Variants in ADAM23 observed in about 807,000 individuals in gnomAD.
ADAM23 encodes the protein ADAM metallopeptidase domain 23.
ADAM23 carries 33 observed loss-of-function variants against 120.1 expected under a neutral mutation model. The ratio of observed to expected loss-of-function variants is 0.27; its 90% CI spans 0.21 to 0.37. The LOEUF is 0.37. Among genes scored for constraint, ADAM23 ranks in the 10% least tolerant of loss-of-function variants. The pLI is 1.00. For missense variants in ADAM23, 862 were observed against 1,058.2 expected (o/e 0.81, Z 2.57); for synonymous variants, 367 against 375.2 (o/e 0.98, Z 0.25).
At chr2:206,559,069 C>G (rs1221038083) in intron 10 of ADAM23, among the ~76,000 whole-genome samples, 1 of 152,100 alleles carries the variant, frequency 6.6e-6, no homozygotes, top group Non-Finnish European at 1.5e-5. Flanking sequence ...CTCAGCCTCC[C>G]GAGTAGCTGG....
intron 6 of ADAM23, among the ~76,000 whole-genome samples, chr2:206,544,714 G>A (rs540638273): frequency 6.8e-4 from 103 of 151,438 alleles, no homozygotes; most frequent in African/African-American, 1.8e-3. Flanking sequence ...CTGGGTTCAC[G>A]CCATTCTCCT....
chr2:206,606,490 A>G (rs1698731040), intron 24 of ADAM23: 1 of 152,242 alleles, frequency 6.6e-6, no homozygotes, highest in Non-Finnish European at 1.5e-5. Context: ...TTTGGAAGCA[A>G]GGAGCATTAA....
chr2:206,542,902 T>G (rs535420669), intron 5 of ADAM23, among the ~76,000 whole-genome samples: 2 of 152,338 alleles, frequency 1.3e-5, no homozygotes, highest in Admixed American at 6.5e-5. Flanking sequence ...TTTGTATAGT[T>G]GTACATGGTT....
chr2:206,456,497 C>T (rs1295285252), intron 2 of ADAM23, among the ~76,000 whole-genome samples: 4 of 152,176 alleles, frequency 2.6e-5, no homozygotes, highest in East Asian at 3.8e-4. Context: ...GATCCAGTCA[C>T]TTCCCACCAG....
chr2:206,567,166 T>G, intron 14 of ADAM23, 57 bp from the exon 15 acceptor site: 2 of 1,353,968 alleles, frequency 1.5e-6, no homozygotes, highest in Non-Finnish European at 2.1e-6. Flanking sequence ...TTTAATTTTC[T>G]TCTCTGATGA....
chr2:206,468,339 G>T (rs146056682), intron 2 of ADAM23, among the ~76,000 whole-genome samples: 1 of 152,250 alleles, frequency 6.6e-6, no homozygotes, highest in African/African-American at 2.4e-5. Context: ...ATGCATATGA[G>T]CATAAGTTGT....
At chr2:206,470,268 A>G (rs1041561155) in intron 2 of ADAM23, among the ~76,000 whole-genome samples, 7 of 152,158 alleles carry the variant, frequency 4.6e-5, no homozygotes, top group Admixed American at 1.3e-4. Flanking sequence ...TTTTATTTCT[A>G]TATGTCTTCA....
intron 2 of ADAM23, among the ~76,000 whole-genome samples, chr2:206,464,957 G>C (rs2086401960): frequency 6.6e-6 from 1 of 152,014 alleles, no homozygotes. Context: ...TTATCTTTCT[G>C]TCACTCAGCA....
At chr2:206,543,496 C>T (rs147218303) in intron 6 of ADAM23, among the ~76,000 whole-genome samples, 180 bp downstream of exon 6, 2 of 152,180 alleles carry the variant, frequency 1.3e-5, no homozygotes, top group Admixed American at 1.3e-4. Flanking sequence ...CCCATGTACC[C>T]GTAAAGGATA....
At chr2:206,572,563 G>A (rs1280584448) in intron 17 of ADAM23, among the ~76,000 whole-genome samples, 1 of 152,072 alleles carries the variant, frequency 6.6e-6, no homozygotes, top group African/African-American at 2.4e-5. Context: ...TTGCTTGAGG[G>A]CAATGGGCTC....
intron 1 of ADAM23, among the ~76,000 whole-genome samples, chr2:206,444,692 C>G (rs1016559445): frequency 1.3e-5 from 2 of 152,208 alleles, no homozygotes. Flanking sequence ...AGAAAGCTGG[C>G]TTTGTCAGGA....
intron 3 of ADAM23, 24 bp from the exon 4 acceptor site, chr2:206,530,861 C>A (rs1403656675): frequency 1.2e-6 from 2 of 1,605,570 alleles, no homozygotes; most frequent in Admixed American, 3.4e-5. Context: ...ATGCAGAAAT[C>A]ACTCTATTTT....
intron 2 of ADAM23, among the ~76,000 whole-genome samples, chr2:206,458,023 G>A (rs1695335597): frequency 1.3e-5 from 2 of 152,306 alleles, no homozygotes; most frequent in Non-Finnish European, 1.5e-5. Context: ...GCATTTTAAC[G>A]ATCCAGTGTA....
intron 4 of ADAM23, among the ~76,000 whole-genome samples, chr2:206,537,489 G>C (rs956720281): frequency 6.6e-6 from 1 of 152,062 alleles, no homozygotes; most frequent in African/African-American, 2.4e-5. Context: ...TGGAGTCAGG[G>C]TATTTTCAGA....
chr2:206,584,068 C>G (rs1470510580), intron 18 of ADAM23, among the ~76,000 whole-genome samples: 2 of 152,158 alleles, frequency 1.3e-5, no homozygotes, highest in Non-Finnish European at 2.9e-5. Flanking sequence ...ATGTAGTACT[C>G]TCCCCCTTTT....
At position 206,445,326 on chromosome 2, in the gene ADAM23, T is replaced by G. The variant is rs763106139; in HGVS notation, c.234T>G (p.Thr78=). The G allele has an allele frequency of 6.2e-7, 1 of 1,613,738 alleles. No homozygotes were observed. Among genetic ancestry groups the G allele is most frequent in the Non-Finnish European group, 8.5e-7 (1 of 1,179,830 alleles). The change falls in exon 2 of 26, where the codon ACT becomes ACG. Residue 78 remains threonine (T), a synonymous_variant. Coordinates refer to ENST00000264377, the MANE Select transcript of ADAM23 (RefSeq NM_003812.4). ...AAPSAPHWNE[T]AEKNLGVLAD... is the part of the protein sequence containing the mutation. The stretch of plus-strand genomic sequence containing the variant: ...CACCAGCTCCGCATTGGAATGAAAC[T>G]GCAGAAAAAAATTTGGGAGTCCTGG...
chr2:206,535,214 A>G (rs556196836), intron 4 of ADAM23, among the ~76,000 whole-genome samples: 3 of 152,302 alleles, frequency 2.0e-5, no homozygotes, highest in South Asian at 2.1e-4. Context: ...TGATGTTTCA[A>G]TTCTATGTCA....
chr2:206,610,961 G>T (rs1290283164), intron 25 of ADAM23, among the ~76,000 whole-genome samples: 3 of 152,034 alleles, frequency 2.0e-5, no homozygotes, highest in Admixed American at 1.3e-4. Context: ...GCCTGCATCT[G>T]GTTACTCAAA....
chr2:206,450,018 C>G (rs1342079966), intron 2 of ADAM23, among the ~76,000 whole-genome samples: 3 of 152,144 alleles, frequency 2.0e-5, no homozygotes, highest in Non-Finnish European at 4.4e-5. Flanking sequence ...TTGTTTCCTT[C>G]TCTATTTTAG....
Sources: allele counts gnomAD v4.1 joint callset (sites outside exome capture counted in the v4.1 genomes callset), GRCh38; gene constraint gnomAD v4.1.1; transcripts MANE v1.5; gene names NCBI Gene and HGNC (gene_info 2026-07-23, HGNC 2026-07-21).